Variants in CDCA2 observed in about 807,000 individuals in gnomAD.
CDCA2 encodes cell division cycle-associated protein 2.
A neutral mutation model predicts 67.0 loss-of-function variants in CDCA2; 44 were observed. That is an observed-to-expected ratio of 0.66 (90% CI 0.52 to 0.84). CDCA2 has a LOEUF of 0.84. CDCA2 is among the 40% of genes least tolerant of loss of function. The pLI is 0.00. For missense variants in CDCA2, 1,253 were observed against 1,203.2 expected, an observed-to-expected ratio of 1.04 and a Z score of -0.61; for synonymous variants, 447 against 418.7, an observed-to-expected ratio of 1.07 and a Z score of -0.82.
At chr8:25,464,007 A>T (rs1167777619) in intron 4 of CDCA2, among the ~76,000 whole-genome samples, 2 of 152,168 alleles carry the variant, frequency 1.3e-5, no homozygotes, top group Non-Finnish European at 2.9e-5. Context: ...GTCTGTCCTG[A>T]TTCTAGCTAA....
chr8:25,497,011 C>A (rs544411434), intron 13 of CDCA2, among the ~76,000 whole-genome samples: 1 of 152,104 alleles, frequency 6.6e-6, no homozygotes, highest in Non-Finnish European at 1.5e-5. Context: ...AGAAAAAAAA[C>A]TCACTGGCCC....
At chr8:25,460,191 T>G (rs1802622662) in intron 1 of CDCA2, 49 bp from the exon 2 acceptor site, 2 of 1,573,560 alleles carry the variant, frequency 1.3e-6, no homozygotes, top group African/African-American at 2.7e-5. Flanking sequence ...TCGAATCACG[T>G]TCATCTTGCT....
In CDCA2 at chr8:25,507,308, T is replaced by G; in HGVS notation, c.2642T>G (p.Phe881Cys). ...KDLSDAIEQT[F>C]QRRNSETKVR... ...TTGTCTGATGCCATTGAGCAAACCT[T>G]TCAGAGGAGAAATAGTGAAACCAAA... The change falls in exon 15 of 15, where the codon TTT (phenylalanine) becomes TGT (cysteine). Residue 881 changes from phenylalanine (F) to cysteine (C), a missense_variant. Coordinates refer to ENST00000330560, the MANE Select transcript of CDCA2 (RefSeq NM_152562.4). The G allele has an allele frequency of 1.2e-6, 2 of 1,614,082 alleles. No homozygotes were observed. Among genetic ancestry groups the G allele is most frequent in the Non-Finnish European group, 1.7e-6 (2 of 1,180,022 alleles).
chr8:25,473,050 T>C (rs974966709), intron 7 of CDCA2, among the ~76,000 whole-genome samples: 3 of 152,190 alleles, frequency 2.0e-5, no homozygotes, highest in African/African-American at 7.2e-5. Context: ...ACTATTCAAC[T>C]CTTTACTTCA....
intron 3 of CDCA2, among the ~76,000 whole-genome samples, chr8:25,460,844 A>G (rs1364416599): frequency 6.6e-6 from 1 of 152,198 alleles, no homozygotes; most frequent in Non-Finnish European, 1.5e-5. Context: ...CCTGTCACCT[A>G]GGATACAGGA....
rs559176011 is a variant in CDCA2 at position 25,507,816 on chromosome 8, C to G, written c.*78C>G. ...AAATGATCTGTCTAGTTCCCATTCT[C>G]TGTTCAACCTCAGTGTTTCAAAAGT... On this transcript the variant is annotated 3_prime_UTR_variant, in exon 15 of 15. Transcript: ENST00000330560. 9.2e-5 allele frequency: 131 copies of G among 1,423,428 alleles called. No individual in the cohort carries two copies. The highest frequency in any genetic ancestry group is 1.2e-4 in the Non-Finnish European group (126 of 1,078,938). 88.2% of individuals were successfully genotyped at this position (1,423,428 alleles called of 1,614,324 possible).
chr8:25,469,055 C>G (rs954624362), intron 6 of CDCA2, among the ~76,000 whole-genome samples: 1 of 152,204 alleles, frequency 6.6e-6, no homozygotes, highest in African/African-American at 2.4e-5. Flanking sequence ...TGCGCGCACG[C>G]GTGAATGGAG....
chr8:25,496,615 T>G (rs1804232713), intron 13 of CDCA2, among the ~76,000 whole-genome samples: 1 of 151,954 alleles, frequency 6.6e-6, no homozygotes, highest in African/African-American at 2.4e-5. Context: ...ACACACCAAT[T>G]TAAAAATGGT....
Position 25,466,186 on chromosome 8 carries a change from A to C in CDCA2, c.399A>C (p.Ala133=). ...TTGCACTTTCACAGGGCAGCCCTGC[A>C]CTGTATCGAAATGTTAACACTTTAA... ...AQDSPSQGSP[A]LYRNVNTLRE... is the part of the protein sequence containing the mutation. The change falls in exon 5 of 15, where the codon GCA becomes GCC. Residue 133 remains alanine, a synonymous_variant. Coordinates refer to ENST00000330560, the MANE Select transcript of CDCA2 (RefSeq NM_152562.4). The C allele has an allele frequency of 6.2e-7, 1 of 1,610,070 alleles. No homozygotes were observed. Among genetic ancestry groups the C allele is most frequent in the Non-Finnish European group, 8.5e-7 (1 of 1,179,082 alleles).
At chr8:25,504,508 T>A (rs1464447778) in intron 14 of CDCA2, among the ~76,000 whole-genome samples, 1 of 152,178 alleles carries the variant, frequency 6.6e-6, no homozygotes, top group Non-Finnish European at 1.5e-5. Flanking sequence ...TTGTCAATCA[T>A]CAGATATTTA....
At chr8:25,493,209 CAT>C (rs1249393635) in intron 13 of CDCA2, among the ~76,000 whole-genome samples, 1 of 152,082 alleles carries the variant, frequency 6.6e-6, no homozygotes, top group Non-Finnish European at 1.5e-5. Context: ...CCACAATTAA[CAT>C]AGAAAAGAGG....
chr8:25,477,342 C>T (rs1203641248), intron 7 of CDCA2, among the ~76,000 whole-genome samples: 1 of 152,182 alleles, frequency 6.6e-6, no homozygotes, highest in African/African-American at 2.4e-5. Context: ...TGCTCCTCTT[C>T]TTTCATCCTG....
chr8:25,486,100 C>T (rs1803764957), intron 11 of CDCA2, among the ~76,000 whole-genome samples: 1 of 151,722 alleles, frequency 6.6e-6, no homozygotes, highest in African/African-American at 2.4e-5. Context: ...TGGAGTTAGC[C>T]TCTCAACTCT....
intron 7 of CDCA2, 61 bp from the exon 8 acceptor site, chr8:25,479,852 G>A (rs1381171195): frequency 2.0e-6 from 3 of 1,491,536 alleles, no homozygotes; most frequent in Non-Finnish European, 2.8e-6. Context: ...TATATTTTTG[G>A]TCTAGAACAA....
In CDCA2 at chr8:25,468,404, T is replaced by G; in HGVS notation, c.726T>G (p.Asp242Glu). 6.2e-7 allele frequency: 1 copy of G among 1,610,628 alleles called. No homozygotes were observed. The highest frequency in any genetic ancestry group is 8.5e-7 in the Non-Finnish European group (1 of 1,178,296). The change falls in exon 6 of 15, where the codon GAT becomes GAG. Residue 242 changes from aspartate (D) to glutamate (E), a missense_variant. By Grantham distance (45) the Asp-to-Glu change is conservative. Coordinates refer to ENST00000330560, the MANE Select transcript of CDCA2 (RefSeq NM_152562.4). The part of the protein sequence containing the change: ...DRACAVETSV[D>E]LSEISSKLGS... ...CATGTGCAGTTGAAACTTCTGTAGATCTTTCTGAGGTAATTCACTTACTTT... is the reference window on the plus strand; with the variant it reads ...CATGTGCAGTTGAAACTTCTGTAGAGCTTTCTGAGGTAATTCACTTACTTT...
chr8:25,462,337 C>A, intron 4 of CDCA2, 129 bp downstream of exon 4: 2 of 1,062,544 alleles, frequency 1.9e-6, no homozygotes, highest in Non-Finnish European at 2.7e-6. Flanking sequence ...AGAGAACATG[C>A]AGTTAGCGGC....
In CDCA2 at chr8:25,460,371, T is replaced by C. The variant is rs747283137; in HGVS notation, c.62-13T>C. The C allele has an allele frequency of 6.2e-7, 1 of 1,614,210 alleles. No individual in the cohort carries two copies. Among genetic ancestry groups the C allele is most frequent in the South Asian group, 1.1e-5 (1 of 91,088 alleles). On this transcript the variant is annotated splice_polypyrimidine_tract_variant and intron_variant, in intron 2 of 14. Coordinates refer to ENST00000330560, the MANE Select transcript of CDCA2 (RefSeq NM_152562.4). ...GAGTTGTCCTCACCCCTACAATATG[T>C]CGTCCGTTTCAGGAAATGCCTCTTT...
At chr8:25,474,958 A>G (rs1803288644) in intron 7 of CDCA2, among the ~76,000 whole-genome samples, 1 of 152,192 alleles carries the variant, frequency 6.6e-6, no homozygotes, top group Non-Finnish European at 1.5e-5. Context: ...GAGCAGGGAC[A>G]GATGCTCCTT....
intron 14 of CDCA2, among the ~76,000 whole-genome samples, chr8:25,504,388 C>G (rs1017359663): frequency 6.6e-6 from 1 of 151,710 alleles, no homozygotes; most frequent in Non-Finnish European, 1.5e-5. Flanking sequence ...GCCTCAGCCT[C>G]CCAAACTACT....
Sources: allele counts gnomAD v4.1 joint callset (sites outside exome capture counted in the v4.1 genomes callset), GRCh38; gene constraint gnomAD v4.1.1; transcripts MANE v1.5; gene names NCBI Gene and HGNC (gene_info 2026-07-23, HGNC 2026-07-21).